Variants in ERFL observed in about 807,000 individuals in gnomAD.
ERFL encodes the protein ETS domain-containing transcription factor ERF-like.
In ERFL, 8 loss-of-function variants were observed where a neutral mutation model predicts 27.9. The observed-to-expected ratio is 0.29, with a 90% CI of 0.17 to 0.52. The LOEUF (loss-of-function observed/expected upper bound fraction) is 0.52, where lower values mean the gene tolerates loss of function less well. Among genes scored for constraint, ERFL ranks in the 20% least tolerant of loss-of-function variants. The probability of loss-of-function intolerance (pLI) is 0.97; values close to 1 mark genes in which losing one functional copy is unlikely to be tolerated. For missense variants in ERFL, 294 were observed against 444.4 expected (o/e 0.66, Z 3.04); for synonymous variants, 174 against 202.8 (o/e 0.86, Z 1.21).
At chr19:41,914,135 G>T (rs1339260124) in intron 1 of ERFL, among the ~76,000 whole-genome samples, 1 of 113,036 alleles carries the variant, frequency 8.8e-6, no homozygotes, top group African/African-American at 3.5e-5. Flanking sequence ...AGACTCGCCC[G>T]GTCTCCCCAC....
At chr19:41,923,359 G>C (rs2074852725) in intron 1 of ERFL, 1 of 351,736 alleles carries the variant, frequency 2.8e-6, no homozygotes, top group African/African-American at 2.1e-5. Context: ...GAGAAACTGA[G>C]AGAGAGTCAG....
Position 41,921,165 on chromosome 19 carries a change from G to C in ERFL, c.-14+6875C>G, listed in dbSNP as rs931311656. Among the ~76,000 whole-genome samples, 4 of 152,192 alleles carry C rather than the reference G, an allele frequency of 2.6e-5. No individual in the cohort carries two copies. The highest frequency in any genetic ancestry group is 6.5e-5 in the Admixed American group (1 of 15,292). ...TGGAGGCGCCACCGTGAGGCGAGGC[G>C]GAGGGAGGTCTGGCTGCTCCCCAAC... On this transcript the variant is annotated intron_variant, in intron 1 of 5. Transcript: ENST00000597630. This position sits in a 1 kb window ranked among gnomAD's most constrained non-coding sequence, Gnocchi z 4.4.
intron 1 of ERFL, among the ~76,000 whole-genome samples, chr19:41,920,219 G>A (rs1424784619): frequency 3.3e-5 from 4 of 121,852 alleles, no homozygotes; most frequent in Non-Finnish European, 6.6e-5. Context: ...ATGCCCAGAC[G>A]TGACACTCAG....
At chr19:41,923,322 G>A in intron 1 of ERFL, 1 of 379,930 alleles carries the variant, frequency 2.6e-6, no homozygotes, top group Middle Eastern at 4.9e-4. Flanking sequence ...GACAAGACAA[G>A]GAGACAGACA....
intron 1 of ERFL, among the ~76,000 whole-genome samples, chr19:41,925,469 TGA>T (rs1555853176): frequency 6.6e-6 from 1 of 151,806 alleles, no homozygotes; most frequent in African/African-American, 2.4e-5. Context: ...TGAGAGACAG[TGA>T]GAGACCAGGA....
chr19:41,924,453 C>G (rs1289078460), intron 1 of ERFL, among the ~76,000 whole-genome samples: 1 of 152,046 alleles, frequency 6.6e-6, no homozygotes, highest in Non-Finnish European at 1.5e-5. Flanking sequence ...GTGTGAAGAA[C>G]TTGGTGTCTG....
At chr19:41,911,298 C>T (rs1194001647) in intron 2 of ERFL, among the ~76,000 whole-genome samples, 1 of 152,202 alleles carries the variant, frequency 6.6e-6, no homozygotes, top group Admixed American at 6.5e-5. Flanking sequence ...TATGCCACAT[C>T]CTCTGTCCCC....
intron 1 of ERFL, among the ~76,000 whole-genome samples, chr19:41,922,782 C>T (rs1599680276): frequency 1.3e-5 from 2 of 152,168 alleles, no homozygotes; most frequent in African/African-American, 2.4e-5. Flanking sequence ...GCTAATTCAG[C>T]GCCATCGATC....
At chr19:41,923,658 G>A (rs1443832098) in intron 1 of ERFL, among the ~76,000 whole-genome samples, 14 of 101,712 alleles carry the variant, frequency 1.4e-4, no homozygotes, top group African/African-American at 4.7e-4. Flanking sequence ...AGGGAGGGGC[G>A]GTGTGGGAGG....
chr19:41,912,190 C>A (rs966362144), intron 2 of ERFL, among the ~76,000 whole-genome samples: 1 of 152,224 alleles, frequency 6.6e-6, no homozygotes, highest in Non-Finnish European at 1.5e-5. Flanking sequence ...CAAGCTCACA[C>A]AAAGACAGGC....
intron 1 of ERFL, among the ~76,000 whole-genome samples, chr19:41,915,245 T>TCC: frequency 6.7e-6 from 1 of 148,506 alleles, no homozygotes; most frequent in Non-Finnish European, 1.5e-5. Flanking sequence ...AGCCGTGGGA[T>TCC]CGGCGCTCCG....
In ERFL at chr19:41,916,785, CACAG is replaced by C. The variant is rs1273795882; in HGVS notation, c.-13-3857_-13-3854del. 2.0e-5 allele frequency among the ~76,000 whole-genome samples: 3 copies of C among 152,108 alleles called. No individual in the cohort carries two copies. Among genetic ancestry groups the C allele is most frequent in the Non-Finnish European group, 4.4e-5 (3 of 68,020 alleles). ...GCACACGGCCACACACACACCCATT[CACAG>C]ACACAGTCACAATCACACACACACA... is the stretch of plus-strand genomic sequence containing the variant. On this transcript the variant is annotated intron_variant, in intron 1 of 5. Transcript: ENST00000597630. The surrounding 1 kb of genome is among the most constrained non-coding windows in gnomAD (Gnocchi z 5.4).
rs1363992156 is a variant in ERFL, at chr19:41,916,626, TGA to T, written c.-13-3696_-13-3695del. On this transcript the variant is annotated intron_variant, in intron 1 of 5. Transcript: ENST00000597630. The surrounding 1 kb of genome is among the most constrained non-coding windows in gnomAD (Gnocchi z 5.4). ...GATTCCCAAGCACACAATCGCACAC[TGA>T]GACAACAGCACACAGAAACAGACAC... is the stretch of plus-strand genomic sequence containing the variant. Among the ~76,000 whole-genome samples the T allele has an allele frequency of 6.6e-6, 1 of 151,494 alleles. No individual in the cohort carries two copies. Among genetic ancestry groups the T allele is most frequent in the Non-Finnish European group, 1.5e-5 (1 of 67,890 alleles).
At chr19:41,923,564 GGAGACA>G (rs1405789688) in intron 1 of ERFL, among the ~76,000 whole-genome samples, 1 of 146,902 alleles carries the variant, frequency 6.8e-6, no homozygotes, top group African/African-American at 2.6e-5. Context: ...ACAGGGACAA[GGAGACA>G]GGGGCAGGTG....
In ERFL at chr19:41,917,341, C is replaced by G. The variant is rs1555852031; in HGVS notation, c.-13-4409G>C. ...TGTCATCTCTCTCTGCCTCTGTCTC[C>G]TAACGCCCCATCACCACGCCCCCCT... is the stretch of plus-strand genomic sequence containing the variant. On this transcript the variant is annotated intron_variant, in intron 1 of 5. Coordinates refer to ENST00000597630, the MANE Select transcript of ERFL (RefSeq NM_001365103.2). This position sits in a 1 kb window ranked among gnomAD's most constrained non-coding sequence, Gnocchi z 4.8. 6.6e-6 allele frequency among the ~76,000 whole-genome samples: 1 copy of G among 151,996 alleles called. No individual in the cohort carries two copies. The highest frequency in any genetic ancestry group is 2.4e-5 in the African/African-American group (1 of 41,358).
At chr19:41,926,956 GAGATAGAAAGAGAT>G in intron 1 of ERFL, among the ~76,000 whole-genome samples, 1 of 152,150 alleles carries the variant, frequency 6.6e-6, no homozygotes, top group East Asian at 1.9e-4. Flanking sequence ...CAGAGAGAGA[GAGATAGAAAGAGAT>G]GCCGAGAAAG....
rs919940420 is a variant in ERFL at position 41,928,065 on chromosome 19, G to C, written c.-39C>G. 9.9e-5 allele frequency: 15 copies of C among 152,154 alleles called. No homozygotes were observed. Among genetic ancestry groups the C allele is most frequent in the Non-Finnish European group, 2.2e-4 (15 of 68,024 alleles). The allele number at this position is 152,154 out of a possible 1,614,324, so 9.4% of individuals were successfully genotyped here. On this transcript the variant is annotated 5_prime_UTR_variant, in exon 1 of 6. Coordinates refer to ENST00000597630, the MANE Select transcript of ERFL (RefSeq NM_001365103.2). ...TTTCTGGGCTTTTCGCATCCGCTCC[G>C]GTCCGGGGAGAAGTGTTTAAAGTTC...
At chr19:41,913,799 C>T (rs528389104) in intron 1 of ERFL, among the ~76,000 whole-genome samples, 5 of 151,002 alleles carry the variant, frequency 3.3e-5, no homozygotes, top group Non-Finnish European at 7.4e-5. Flanking sequence ...GGCGCCTCCC[C>T]TCCACACACA....
intron 1 of ERFL, among the ~76,000 whole-genome samples, chr19:41,913,993 T>C (rs1043191581): frequency 1.3e-5 from 2 of 149,682 alleles, no homozygotes; most frequent in African/African-American, 4.9e-5. Flanking sequence ...GACACCCTGA[T>C]ACTCCCCACT....
Sources: allele counts gnomAD v4.1 joint callset (sites outside exome capture counted in the v4.1 genomes callset), GRCh38; gene constraint gnomAD v4.1.1; non-coding constraint Gnocchi (gnomAD v3.1); transcripts MANE v1.5; gene names NCBI Gene and HGNC (gene_info 2026-07-23, HGNC 2026-07-21).